The following HS3ST5 variants were observed in gnomAD, a reference collection of about 807,000 sequenced individuals.
The protein encoded by HS3ST5 is heparan sulfate-glucosamine 3-sulfotransferase 5, also known as heparan sulfate glucosamine 3-O-sulfotransferase 5.
HS3ST5 carries 10 observed loss-of-function variants against 25.4 expected under a neutral mutation model. The observed-to-expected ratio is 0.39, with a 90% CI of 0.24 to 0.67. The LOEUF (loss-of-function observed/expected upper bound fraction) is 0.67. Ranked by LOEUF, HS3ST5 falls within the 30% of genes least tolerant of loss-of-function variation. HS3ST5 has a pLI of 0.44. For missense variants in HS3ST5, 324 were observed against 420.7 expected (o/e 0.77, Z 2.01); for synonymous variants, 170 against 162.4 (o/e 1.05, Z -0.36).
intron 2 of HS3ST5, among the ~76,000 whole-genome samples, chr6:114,171,702 C>T (rs1434077689): frequency 6.6e-6 from 1 of 152,146 alleles, no homozygotes; most frequent in African/African-American, 2.4e-5. Context: ...AGGCAAGACT[C>T]AAAGCCTAAA....
At chr6:114,107,262 C>A (rs1049295659) in intron 3 of HS3ST5, among the ~76,000 whole-genome samples, 2 of 152,088 alleles carry the variant, frequency 1.3e-5, no homozygotes, top group African/African-American at 4.8e-5. Flanking sequence ...TGTAACTTAT[C>A]AGAGTAACAG....
chr6:114,084,420 T>C (rs936126303), intron 3 of HS3ST5: 4 of 755,646 alleles, frequency 5.3e-6, no homozygotes, highest in East Asian at 2.4e-5. Context: ...CCTGCTCTTC[T>C]TTTTCAGTCT....
At chr6:114,197,298 A>G (rs1363647904) in intron 2 of HS3ST5, among the ~76,000 whole-genome samples, 1 of 152,064 alleles carries the variant, frequency 6.6e-6, no homozygotes, top group African/African-American at 2.4e-5. Flanking sequence ...TCCCATACAA[A>G]TTTAATAACT....
chr6:114,183,117 G>C (rs2115027682), intron 2 of HS3ST5, among the ~76,000 whole-genome samples: 1 of 152,110 alleles, frequency 6.6e-6, no homozygotes, highest in South Asian at 2.1e-4. Context: ...GCAGATCATG[G>C]GACTTCTCAA....
At chr6:114,290,650 A>AGT (rs1774534940) in intron 1 of HS3ST5, among the ~76,000 whole-genome samples, 1 of 152,132 alleles carries the variant, frequency 6.6e-6, no homozygotes, top group Non-Finnish European at 1.5e-5. Context: ...TGAATGCCAG[A>AGT]TGGTATATCA....
chr6:114,093,899 G>A (rs1224756001), intron 3 of HS3ST5, among the ~76,000 whole-genome samples: 1 of 152,196 alleles, frequency 6.6e-6, no homozygotes, highest in East Asian at 1.9e-4. Context: ...GTAGATGGTA[G>A]TATAGCAAAT....
chr6:114,253,414 T>G (rs562869140), intron 1 of HS3ST5, among the ~76,000 whole-genome samples: 23 of 152,256 alleles, frequency 1.5e-4, no homozygotes, highest in South Asian at 4.2e-4. Flanking sequence ...TCCTACTGAG[T>G]TTTGCTTAGT....
intron 3 of HS3ST5, among the ~76,000 whole-genome samples, chr6:114,093,501 CTGA>C (rs1462838784): frequency 6.6e-6 from 1 of 151,696 alleles, no homozygotes; most frequent in Non-Finnish European, 1.5e-5. Flanking sequence ...CTTCTAGAAT[CTGA>C]TGATATTACT....
At chr6:114,071,364 A>G (rs1773814898) in intron 3 of HS3ST5, among the ~76,000 whole-genome samples, 1 of 152,182 alleles carries the variant, frequency 6.6e-6, no homozygotes, top group African/African-American at 2.4e-5. Context: ...TTTAGATCTT[A>G]GGTTCTCACT....
chr6:114,204,909 TTGATAAGTACACAACA>T (rs1202741069), intron 2 of HS3ST5, among the ~76,000 whole-genome samples: 1 of 152,152 alleles, frequency 6.6e-6, no homozygotes, highest in Non-Finnish European at 1.5e-5. Context: ...CTACCAGCTC[TTGATAAGTACACAACA>T]TGCCTGGTAG....
chr6:114,182,729 G>T (rs1340373791), intron 2 of HS3ST5, among the ~76,000 whole-genome samples: 1 of 152,110 alleles, frequency 6.6e-6, no homozygotes, highest in African/African-American at 2.4e-5. Context: ...GCACATTCCA[G>T]GTGGCATCCT....
intron 1 of HS3ST5, chr6:114,251,545 G>T (rs568337536): frequency 7.2e-4 from 110 of 152,292 alleles, no homozygotes; most frequent in Non-Finnish European, 1.4e-3. Flanking sequence ...CATGTGGTTT[G>T]GATGGAATTC....
intron 4 of HS3ST5, 136 bp downstream of exon 4, chr6:114,062,599 AAATC>A (rs1700316065): frequency 9.6e-6 from 6 of 626,802 alleles, no homozygotes; most frequent in Non-Finnish European, 1.7e-5. Flanking sequence ...CAGTAAATCA[AAATC>A]AATACTGCAG....
chr6:114,192,740 T>C (rs1022221822), intron 2 of HS3ST5, among the ~76,000 whole-genome samples: 32 of 152,158 alleles, frequency 2.1e-4, no homozygotes, highest in African/African-American at 7.7e-4. Context: ...CTATACAATT[T>C]GGGGAAAATT....
In HS3ST5 at chr6:114,133,197, C is replaced by T. The variant is rs564749407; in HGVS notation, c.-33+35154G>A. 2.0e-5 allele frequency among the ~76,000 whole-genome samples: 3 copies of T among 152,262 alleles called. No individual in the cohort carries two copies. In the South Asian group the frequency reaches 6.2e-4, roughly 32 times the overall value. On this transcript the variant is annotated intron_variant, in intron 3 of 4. Coordinates refer to ENST00000312719, the MANE Select transcript of HS3ST5 (RefSeq NM_153612.4). ...TGCCCATCAAGGGATGACAATGGGC[C>T]TGGTTCCTCACTGCCCTGTCCAGTT...
intron 3 of HS3ST5, among the ~76,000 whole-genome samples, chr6:114,095,848 T>C (rs1032873106): frequency 2.6e-5 from 4 of 152,166 alleles, no homozygotes; most frequent in Non-Finnish European, 4.4e-5. Context: ...AAGCCTTCCA[T>C]AGTGTAGTTG....
chr6:114,213,531 C>T (rs1781613513), intron 2 of HS3ST5, among the ~76,000 whole-genome samples: 1 of 152,078 alleles, frequency 6.6e-6, no homozygotes, highest in African/African-American at 2.4e-5. Context: ...ACCTTTCTCC[C>T]AGGTACAGTA....
chr6:114,293,792 G>C (rs190626757), intron 1 of HS3ST5, among the ~76,000 whole-genome samples: 25 of 152,266 alleles, frequency 1.6e-4, no homozygotes, highest in Non-Finnish European at 1.0e-4. Flanking sequence ...GAAGCAGAAA[G>C]AGGTTTCAGG....
chr6:114,246,959 T>C (rs146469690), intron 1 of HS3ST5, among the ~76,000 whole-genome samples: 317 of 152,314 alleles, frequency 2.1e-3, no homozygotes, highest in African/African-American at 7.4e-3. Context: ...CCTGGTTTCA[T>C]TTATTACGGT....
Sources: gnomAD v4.1 joint callset for allele counts (sites outside exome capture counted in the v4.1 genomes callset) on GRCh38, gnomAD v4.1.1 for gene constraint, MANE v1.5 for transcripts, NCBI Gene and HGNC (gene_info 2026-07-23, HGNC 2026-07-21) for gene names.